Variants in UBR4 observed in about 807,000 individuals in gnomAD.
The protein encoded by UBR4 is ubiquitin protein ligase E3 component n-recognin 4.
A neutral mutation model predicts 575.6 loss-of-function variants in UBR4; 124 were observed. The ratio of observed to expected loss-of-function variants is 0.22; its 90% confidence interval spans 0.19 to 0.25. The LOEUF (loss-of-function observed/expected upper bound fraction) is 0.25. Among genes scored for constraint, UBR4 ranks in the 10% least tolerant of loss-of-function variants. UBR4 has a pLI of 1.00. For synonymous variants in UBR4, 2,455 were observed against 2,473.7 expected (o/e 0.99, Z 0.22); for missense variants, 4,818 against 6,478.8 (o/e 0.74, Z 8.80).
intron 54 of UBR4, 46 bp downstream of exon 54, chr1:19,144,740 T>G (rs747134597): frequency 2.7e-5 from 43 of 1,572,636 alleles, no homozygotes; most frequent in Non-Finnish European, 3.5e-5. Context: ...ATTTTCCAGA[T>G]ATTCCCTGGC....
At chr1:19,074,951 C>T (rs41273185) in intron 105 of UBR4, 55 bp from the exon 106 acceptor site, 47,997 of 1,586,958 alleles carry the variant, frequency 0.03, 937 homozygotes, top group African/African-American at 0.069. Flanking sequence ...GCCCCCATTC[C>T]CCCTGAGTCA....
At position 19,117,715 on chromosome 1, in the gene UBR4, A is replaced by G. The variant is rs896692905; in HGVS notation, c.10629+108T>C. 4 of 1,150,206 alleles carry G rather than the reference A, an allele frequency of 3.5e-6. No homozygotes were observed. Among genetic ancestry groups the G allele is most frequent in the Non-Finnish European group, 5.1e-6 (4 of 782,178 alleles). The allele number at this position is 1,150,206 out of a possible 1,614,324, so 71.3% of individuals were successfully genotyped here. On this transcript the variant is annotated intron_variant, in intron 72 of 105. Transcript: ENST00000375254. This position sits in a 1 kb window ranked among gnomAD's most constrained non-coding sequence, Gnocchi z 4.0. ...CAGATAAAAATTCCTACTATCGGTG[A>G]CCAACCATTAGGAGAGGAACATCTA...
chr1:19,194,498 A>G (rs565212927), intron 8 of UBR4, among the ~76,000 whole-genome samples: 1 of 152,174 alleles, frequency 6.6e-6, no homozygotes, highest in Non-Finnish European at 1.5e-5. Flanking sequence ...TTTTTAAAAA[A>G]GTAATAAAAA....
rs553999679 is a variant in UBR4, at chr1:19,078,290, G to T, written c.15234-224C>A. On this transcript the variant is annotated intron_variant, in intron 103 of 105. Transcript: ENST00000375254. ...CAAAAATGCTCCATGAAATTCATCTGATTCTCTCAGTGCTCATCTTCCAGA... is the reference window on the plus strand; with the variant it reads ...CAAAAATGCTCCATGAAATTCATCTTATTCTCTCAGTGCTCATCTTCCAGA... 781 of 486,862 alleles carry T rather than the reference G, an allele frequency of 1.6e-3. 3 individuals are homozygous for T. Among genetic ancestry groups the T allele is most frequent in the African/African-American group, 0.013 (678 of 51,220 alleles). The allele number at this position is 486,862 out of a possible 1,614,324, so 30.2% of individuals were successfully genotyped here.
Position 19,150,759 on chromosome 1 carries a change from C to A in UBR4, c.7248G>T (p.Met2416Ile), listed in dbSNP as rs1484804077. The change falls in exon 49 of 106, where the codon ATG (methionine) becomes ATT (isoleucine). Residue 2416 changes from methionine to isoleucine, a missense_variant. Transcript: ENST00000375254. Reference sequence around the variant, plus strand: ...TGCCATAAATTTTTACAGCATCTATCATGGTGACACCTGCTGGATCCACCG... The same window carrying A: ...TGCCATAAATTTTTACAGCATCTATAATGGTGACACCTGCTGGATCCACCG... Reference protein sequence around the residue: ...GASVDPAGVTMIDAVKIYGKT... With the variant: ...GASVDPAGVTIIDAVKIYGKT... 1.2e-6 allele frequency: 2 copies of A among 1,613,962 alleles called. No homozygotes were observed. The highest frequency in any genetic ancestry group is 1.7e-6 in the Non-Finnish European group (2 of 1,180,022).
In UBR4 at chr1:19,152,258, A is replaced by C; in HGVS notation, c.6996+55T>G. 1.2e-6 allele frequency: 2 copies of C among 1,601,894 alleles called. No homozygotes were observed. The highest frequency in any genetic ancestry group is 1.7e-6 in the Non-Finnish European group (2 of 1,170,908). On this transcript the variant is annotated intron_variant, in intron 47 of 105. Transcript: ENST00000375254. This position sits in a 1 kb window ranked among gnomAD's most constrained non-coding sequence, Gnocchi z 4.4. ...CTAAAAGGAGATGTGTTCTCAAACCATATTGTTTGAGTCCTTCTACCCAGG... is the reference window on the plus strand; with the variant it reads ...CTAAAAGGAGATGTGTTCTCAAACCCTATTGTTTGAGTCCTTCTACCCAGG...
At chr1:19,162,724 G>A in intron 34 of UBR4, 113 bp from the exon 35 acceptor site, 1 of 1,288,204 alleles carries the variant, frequency 7.8e-7, no homozygotes, top group Admixed American at 2.8e-5. Context: ...TATGAGAGCA[G>A]AGAAGAAAAA....
intron 68 of UBR4, 31 bp downstream of exon 68, chr1:19,121,158 G>A (rs1179024002): frequency 1.2e-6 from 2 of 1,607,660 alleles, no homozygotes; most frequent in African/African-American, 1.3e-5. Flanking sequence ...ATACATCATT[G>A]TAGTCACAAT....
At chr1:19,147,067 A>T (rs770400116) in intron 51 of UBR4, 67 bp from the exon 52 acceptor site, 81 of 1,487,900 alleles carry the variant, frequency 5.4e-5, no homozygotes, top group Admixed American at 1.4e-4. Flanking sequence ...CAAAGAGGAG[A>T]GAAAAGCTGG....
At position 19,157,919 on chromosome 1, in the gene UBR4, G is replaced by A. The variant is rs756185067; in HGVS notation, c.5656C>T (p.Arg1886Trp). 6 of 1,614,220 alleles carry A rather than the reference G, an allele frequency of 3.7e-6. No homozygotes were observed. The highest frequency in any genetic ancestry group is 3.4e-6 in the Non-Finnish European group (4 of 1,180,030). ...NYSGDQGQTI[R>W]QLISAHVLRR... Reference sequence around the variant, plus strand: ...AGCACATGAGCACTGATCAGCTGCCGGATGGTCTGGCCCTGGTCTCCACTG... The same window carrying A: ...AGCACATGAGCACTGATCAGCTGCCAGATGGTCTGGCCCTGGTCTCCACTG... Residue 1886 changes from arginine (R) to tryptophan (W), a missense_variant, in exon 40 of 106, where the codon CGG (arginine) becomes TGG (tryptophan). Physicochemically the swap from Arg to Trp is moderately radical, Grantham distance 101. Coordinates refer to ENST00000375254, the MANE Select transcript of UBR4 (RefSeq NM_020765.3). The surrounding 1 kb of genome is among the most constrained non-coding windows in gnomAD (Gnocchi z 4.4).
Position 19,192,554 on chromosome 1 carries a change from A to AAC in UBR4, c.1144-16_1144-15dup, listed in dbSNP as rs1557987591. The AAC allele has an allele frequency of 6.2e-7, 1 of 1,614,038 alleles. No homozygotes were observed. The highest frequency in any genetic ancestry group is 1.1e-5 in the South Asian group (1 of 91,028). ...ATAGATTTCGAGCTGTACAATATCA[A>AAC]ACAGACACAAAAATCTGAACAAGCT... On this transcript the variant is annotated splice_polypyrimidine_tract_variant and intron_variant, in intron 9 of 105. Transcript: ENST00000375254.
intron 30 of UBR4, 147 bp from the exon 31 acceptor site, chr1:19,165,496 C>G: frequency 9.6e-7 from 1 of 1,044,006 alleles, no homozygotes; most frequent in Non-Finnish European, 1.4e-6. Context: ...AACCCCCTCA[C>G]CAACAACCCC....
Position 19,110,069 on chromosome 1 carries a change from T to C in UBR4, c.12105+27A>G, listed in dbSNP as rs1412540468. On this transcript the variant is annotated intron_variant, in intron 81 of 105. Coordinates refer to ENST00000375254, the MANE Select transcript of UBR4 (RefSeq NM_020765.3). The surrounding 1 kb of genome is among the most constrained non-coding windows in gnomAD (Gnocchi z 4.5). ...AGGAGGGTGGCCGCCCTGCCCTTCCTTGTTAGACCCCTGCTTGGCCCAGTA... is the reference window on the plus strand; with the variant it reads ...AGGAGGGTGGCCGCCCTGCCCTTCCCTGTTAGACCCCTGCTTGGCCCAGTA... 1.2e-6 allele frequency: 2 copies of C among 1,613,404 alleles called. No individual in the cohort carries two copies.
At chr1:19,086,848 G>A (rs866798339) in intron 99 of UBR4, 27 bp from the exon 100 acceptor site, 1 of 1,611,670 alleles carries the variant, frequency 6.2e-7, no homozygotes, top group Non-Finnish European at 8.5e-7. Context: ...ATAAGGAGAG[G>A]GGAGGAGAAA....
chr1:19,093,275 C>A lies in UBR4; in HGVS notation c.14111+38G>T, dbSNP rs367635947. 2 of 1,601,562 alleles carry A rather than the reference C, an allele frequency of 1.2e-6. No individual in the cohort carries two copies. The highest frequency in any genetic ancestry group is 2.7e-5 in the African/African-American group (2 of 74,680). On this transcript the variant is annotated intron_variant, in intron 96 of 105. Transcript: ENST00000375254. This position sits in a 1 kb window ranked among gnomAD's most constrained non-coding sequence, Gnocchi z 4.8. The stretch of plus-strand genomic sequence containing the variant: ...GGAGAAGGAAAAGGAAAGGGCAAAG[C>A]GAAGGCAAAGCAGCCCCGCTGCGGG...
Position 19,151,815 on chromosome 1 carries a change from C to T in UBR4, c.7041G>A (p.Met2347Ile). 6.2e-7 allele frequency: 1 copy of T among 1,613,540 alleles called. No individual in the cohort carries two copies. The highest frequency in any genetic ancestry group is 8.5e-7 in the Non-Finnish European group (1 of 1,179,708). ...TCTGGATCCGCATGCCTGTCATCACCATAGTGCTATTGTTGTTACTAATCT... is the reference window on the plus strand; with the variant it reads ...TCTGGATCCGCATGCCTGTCATCACTATAGTGCTATTGTTGTTACTAATCT... The part of the protein sequence containing the change: ...TIEISNNNST[M>I]VMTGMRIQIG... The change falls in exon 48 of 106, where the codon ATG (methionine) becomes ATA (isoleucine). Residue 2347 changes from methionine (M) to isoleucine (I), a missense_variant. Around this residue, in one of 29 missense-constraint regions of UBR4, gnomAD observed 461 missense variants for 606.9 expected, o/e 0.76. Transcript: ENST00000375254.
chr1:19,076,035 G>GCA (rs1392624067), intron 105 of UBR4, among the ~76,000 whole-genome samples: 1 of 152,200 alleles, frequency 6.6e-6, no homozygotes, highest in African/African-American at 2.4e-5. Context: ...ACCTCACAGG[G>GCA]CACTGTCTTT....
rs2081812980 is a variant in UBR4 at position 19,126,507 on chromosome 1, T to C, written c.9377A>G (p.Lys3126Arg). 3 of 1,614,184 alleles carry C rather than the reference T, an allele frequency of 1.9e-6. No homozygotes were observed. Among genetic ancestry groups the C allele is most frequent in the Non-Finnish European group, 2.5e-6 (3 of 1,180,018 alleles). The change falls in exon 64 of 106, where the codon AAA becomes AGA. Residue 3126 changes from lysine to arginine, a missense_variant. Coordinates refer to ENST00000375254, the MANE Select transcript of UBR4 (RefSeq NM_020765.3). ...EEPVATSQLL[K>R]PHTTSSPPDM... ...AGGTGGGGAGGAGGTAGTATGTGGT[T>C]TCAGCAACTGGCTGGTAGCCACAGG...
intron 1 of UBR4, among the ~76,000 whole-genome samples, chr1:19,208,200 G>C (rs12402921): frequency 1.8e-3 from 270 of 152,192 alleles, no homozygotes; most frequent in East Asian, 0.013. Flanking sequence ...GGGCACGGTA[G>C]CTCATGCCTG....
Sources: gnomAD v4.1 joint callset for allele counts (sites outside exome capture counted in the v4.1 genomes callset) on GRCh38, gnomAD v4.1.1 for gene constraint, gnomAD v4.1.1 regional missense constraint, Gnocchi (gnomAD v3.1) non-coding constraint, MANE v1.5 for transcripts, NCBI Gene and HGNC (gene_info 2026-07-23, HGNC 2026-07-21) for gene names.